The following CHRNA3 variants were observed in gnomAD, a reference collection of about 807,000 sequenced individuals.
CHRNA3 encodes the protein neuronal acetylcholine receptor subunit alpha-3.
A neutral mutation model predicts 41.9 loss-of-function variants in CHRNA3; 34 were observed. The observed-to-expected ratio is 0.81, with a 90% confidence interval of 0.62 to 1.08. The LOEUF (loss-of-function observed/expected upper bound fraction) is 1.08. CHRNA3 is among the 50% of genes least tolerant of loss of function. The probability of loss-of-function intolerance (pLI) is 0.00; values close to 1 mark genes in which losing one functional copy is unlikely to be tolerated. For missense variants in CHRNA3, 542 were observed against 638.3 expected (o/e 0.85, Z 1.63); for synonymous variants, 281 against 265.2 (o/e 1.06, Z -0.58).
At chr15:78,617,232 C>T in intron 3 of CHRNA3, 99 bp from the exon 4 acceptor site, 1 of 713,774 alleles carries the variant, frequency 1.4e-6, no homozygotes, top group East Asian at 2.7e-5. Context: ...CCCACCCCTG[C>T]TGCATGTGAC....
intron 3 of CHRNA3, chr15:78,618,302 C>T (rs1270727107): frequency 2.9e-6 from 1 of 343,926 alleles, no homozygotes; most frequent in Non-Finnish European, 5.4e-6. Context: ...CAGGCACCAC[C>T]CCAGGGTTTG....
rs577770200 is a variant in CHRNA3 at position 78,616,411 on chromosome 15, A to T, written c.377+613T>A. Among the ~76,000 whole-genome samples, 22 of 136,472 alleles carry T rather than the reference A, an allele frequency of 1.6e-4. No individual in the cohort carries two copies. In the East Asian group the frequency reaches 5.0e-3, roughly 31 times the overall value. 89.5% of individuals were successfully genotyped at this position (136,472 alleles called of 152,430 possible). A position where few individuals can be genotyped will look rare whatever the true frequency, so the allele number is the denominator to read the frequency against. On this transcript the variant is annotated intron_variant, in intron 4 of 5. Transcript: ENST00000326828. Reference sequence around the variant, plus strand: ...TAACCATGCCAGTCAGCAGGCTGGGAACCCTGGGACTACACAGCTTAGGCC... The same window carrying T: ...TAACCATGCCAGTCAGCAGGCTGGGTACCCTGGGACTACACAGCTTAGGCC...
chr15:78,619,214 G>A (rs573519266), intron 1 of CHRNA3: 2 of 456,666 alleles, frequency 4.4e-6, no homozygotes, highest in Admixed American at 3.8e-5. Flanking sequence ...AGCTGTGTGA[G>A]CTTAGGCAAG....
intron 4 of CHRNA3, among the ~76,000 whole-genome samples, chr15:78,603,823 A>G (rs2053242499): frequency 6.6e-6 from 1 of 151,778 alleles, no homozygotes; most frequent in African/African-American, 2.4e-5. Context: ...CTTAGCCCCA[A>G]TTTCACTCCC....
chr15:78,620,319 G>A (rs1370409440), intron 1 of CHRNA3: 2 of 220,246 alleles, frequency 9.1e-6, no homozygotes, highest in Non-Finnish European at 1.8e-5. Context: ...AGGTGGGCGG[G>A]ATGCAGACGG....
At chr15:78,608,665 T>G (rs1030486320) in intron 4 of CHRNA3, among the ~76,000 whole-genome samples, 27 of 152,156 alleles carry the variant, frequency 1.8e-4, no homozygotes, top group Non-Finnish European at 3.5e-4. Context: ...ACTCTAAAAA[T>G]CAGAGCACCT....
Position 78,602,209 on chromosome 15 carries a change from CAGTGTACTTG to C in CHRNA3, c.423_432del (p.Lys142GlyfsTer3). On this transcript the variant is annotated frameshift_variant, in exon 5 of 6. Transcript: ENST00000326828. LOFTEE classifies it high-confidence loss of function. ...GCCGGAGGTATCCAAGTCACCTCCC[CAGTGTACTTG>C]AGTAAGGCTTTGGTCTTGTCGTCCA... The C allele has an allele frequency of 1.9e-6, 3 of 1,614,148 alleles. No individual in the cohort carries two copies. The highest frequency in any genetic ancestry group is 1.1e-5 in the South Asian group (1 of 91,074).
intron 4 of CHRNA3, among the ~76,000 whole-genome samples, chr15:78,609,889 CCAAG>C (rs2053356067): frequency 6.6e-6 from 1 of 152,078 alleles, no homozygotes; most frequent in Non-Finnish European, 1.5e-5. Flanking sequence ...GGAAGATCTA[CCAAG>C]CAAATGGAAA....
intron 4 of CHRNA3, among the ~76,000 whole-genome samples, chr15:78,616,622 G>A (rs2053466567): frequency 6.6e-6 from 1 of 152,034 alleles, no homozygotes; most frequent in Non-Finnish European, 1.5e-5. Context: ...GATCTTTCCA[G>A]CCTTATGTCC....
chr15:78,601,685 G>T lies in CHRNA3; in HGVS notation c.957C>A (p.Ile319=). 6.2e-7 allele frequency: 1 copy of T among 1,614,132 alleles called. No individual in the cohort carries two copies. Among genetic ancestry groups the T allele is most frequent in the South Asian group, 1.1e-5 (1 of 91,066 alleles). The change falls in exon 5 of 6, where the codon ATC becomes ATA. Residue 319 remains isoleucine, a synonymous_variant. Coordinates refer to ENST00000326828, the MANE Select transcript of CHRNA3 (RefSeq NM_000743.5). ...LFTMIFVTLS[I]VITVFVLNVH... ...CGTTGAGCACGAAGACGGTGATGAC[G>T]ATGGACAAGGTTACAAAAATCATGG...
chr15:78,606,636 C>G (rs984763807), intron 4 of CHRNA3, among the ~76,000 whole-genome samples: 8 of 152,196 alleles, frequency 5.3e-5, no homozygotes, highest in Admixed American at 4.6e-4. Flanking sequence ...TGGCTCAGGC[C>G]TGTAATCCCA....
chr15:78,618,806 G>A lies in CHRNA3; in HGVS notation c.192C>T (p.Phe64=), dbSNP rs1266485773. The A allele has an allele frequency of 1.9e-6, 3 of 1,613,944 alleles. No homozygotes were observed. Among genetic ancestry groups the A allele is most frequent in the African/African-American group, 1.3e-5 (1 of 74,926 alleles). The change falls in exon 2 of 6, where the codon TTC becomes TTT. Residue 64 remains phenylalanine (F), a synonymous_variant. Coordinates refer to ENST00000326828, the MANE Select transcript of CHRNA3 (RefSeq NM_000743.5). ...ANVSDPVIIH[F]EVSMSQLVKV... Reference sequence around the variant, plus strand: ...TCACCAGCTGAGACATGGACACCTCGAAATGGATGATGACTGGGTCAGACA... The same window carrying A: ...TCACCAGCTGAGACATGGACACCTCAAAATGGATGATGACTGGGTCAGACA...
Position 78,620,973 on chromosome 15 carries a change from G to A in CHRNA3, c.-179C>T, listed in dbSNP as rs1424690144. The A allele has an allele frequency of 9.6e-6, 8 of 836,196 alleles. No homozygotes were observed. Among genetic ancestry groups the A allele is most frequent in the African/African-American group, 9.0e-5 (5 of 55,684 alleles). The allele number at this position is 836,196 out of a possible 1,614,324, so 51.8% of individuals were successfully genotyped here. ...GGGTTTCCAGCGCCCTCGGACCCGC[G>A]GGAGGACAGGAACCATCCGGAGTGA... On this transcript the variant is annotated 5_prime_UTR_variant, in exon 1 of 6. Coordinates refer to ENST00000326828, the MANE Select transcript of CHRNA3 (RefSeq NM_000743.5).
intron 4 of CHRNA3, among the ~76,000 whole-genome samples, chr15:78,614,329 TACG>T (rs1454240980): frequency 2.0e-5 from 3 of 152,380 alleles, no homozygotes; most frequent in Admixed American, 1.3e-4. Flanking sequence ...ATGTGATTCC[TACG>T]ACAATTCAGT....
intron 4 of CHRNA3, among the ~76,000 whole-genome samples, chr15:78,615,889 C>T (rs985254456): frequency 3.3e-5 from 5 of 150,970 alleles, no homozygotes; most frequent in African/African-American, 1.2e-4. Context: ...TACAGGCACA[C>T]GCCACCATGC....
At chr15:78,613,814 C>T (rs1044140189) in intron 4 of CHRNA3, among the ~76,000 whole-genome samples, 2 of 148,642 alleles carry the variant, frequency 1.3e-5, no homozygotes, top group South Asian at 2.2e-4. Context: ...GGCGTGGTGG[C>T]GGGCGCCTGT....
At chr15:78,609,846 G>T (rs1429712715) in intron 4 of CHRNA3, among the ~76,000 whole-genome samples, 2 of 152,142 alleles carry the variant, frequency 1.3e-5, no homozygotes, top group Non-Finnish European at 2.9e-5. Context: ...TTCACACGCA[G>T]AGACACACAT....
Position 78,596,736 on chromosome 15 carries a change from C to T in CHRNA3, c.1390-4G>A. 6.3e-7 allele frequency: 1 copy of T among 1,585,976 alleles called. No individual in the cohort carries two copies. The highest frequency in any genetic ancestry group is 1.4e-5 in the African/African-American group (1 of 73,078). ...CATACTTCCAATCATCTTGAATCTG[C>T]AAAACAAAATGATAAAAGAAAAAAA... On this transcript the variant is annotated splice_polypyrimidine_tract_variant and splice_region_variant and intron_variant, in intron 5 of 5. Transcript: ENST00000326828.
intron 4 of CHRNA3, among the ~76,000 whole-genome samples, chr15:78,615,106 C>T (rs893087025): frequency 1.3e-5 from 2 of 152,164 alleles, no homozygotes; most frequent in African/African-American, 4.8e-5. Context: ...CTGGACTCAC[C>T]CTTCTCAACT....
Sources: allele counts gnomAD v4.1 joint callset (sites outside exome capture counted in the v4.1 genomes callset), GRCh38; gene constraint gnomAD v4.1.1; transcripts MANE v1.5; gene names NCBI Gene and HGNC (gene_info 2026-07-23, HGNC 2026-07-21).